The following ATP8A2 variants were observed in gnomAD, a reference collection of about 807,000 sequenced individuals.
ATP8A2 encodes the protein phospholipid-transporting ATPase IB.
ATP8A2 carries 100 observed loss-of-function variants against 165.6 expected under a neutral mutation model. That is an observed-to-expected ratio of 0.60 (90% CI 0.51 to 0.71). ATP8A2 has a LOEUF of 0.71. ATP8A2 is among the 30% of genes least tolerant of loss of function. The probability of loss-of-function intolerance (pLI) is 0.00; values close to 1 mark genes in which losing one functional copy is unlikely to be tolerated. For synonymous variants in ATP8A2, 543 were observed against 548.8 expected (o/e 0.99, Z 0.15); for missense variants, 1,227 against 1,479.5 (o/e 0.83, Z 2.80).
At chr13:25,540,995 GGGACTACA>G (rs1461274505) in intron 8 of ATP8A2, among the ~76,000 whole-genome samples, 1 of 151,624 alleles carries the variant, frequency 6.6e-6, no homozygotes, top group Non-Finnish European at 1.5e-5. Context: ...CCGAGTAGCT[GGGACTACA>G]GGTGCATGCT....
At chr13:26,005,630 G>A (rs1253995804) in intron 35 of ATP8A2, among the ~76,000 whole-genome samples, 2 of 151,880 alleles carry the variant, frequency 1.3e-5, no homozygotes, top group Non-Finnish European at 2.9e-5. Context: ...GATATGCTGT[G>A]TTTCCATTTT....
chr13:25,660,646 A>C (rs1425065112), intron 24 of ATP8A2, among the ~76,000 whole-genome samples: 1 of 151,958 alleles, frequency 6.6e-6, no homozygotes, highest in Non-Finnish European at 1.5e-5. Context: ...ATTGTGGAAA[A>C]CATAGAAGGA....
intron 33 of ATP8A2, among the ~76,000 whole-genome samples, chr13:25,960,225 C>A (rs974160648): frequency 8.5e-5 from 13 of 152,130 alleles, no homozygotes; most frequent in South Asian, 4.1e-4. Flanking sequence ...GCAGAGGGAG[C>A]GGCAGGGCTG....
At chr13:25,879,836 G>GA (rs928726445) in intron 33 of ATP8A2, among the ~76,000 whole-genome samples, 2 of 152,198 alleles carry the variant, frequency 1.3e-5, no homozygotes, top group African/African-American at 2.4e-5. Context: ...GAGTTAGGAG[G>GA]AAAATCCTAG....
intron 36 of ATP8A2, among the ~76,000 whole-genome samples, chr13:26,016,609 G>T (rs576358378): frequency 6.6e-6 from 1 of 152,130 alleles, no homozygotes; most frequent in Non-Finnish European, 1.5e-5. Flanking sequence ...TACCTTTCCC[G>T]AAAGGACACT....
At chr13:25,704,073 G>T (rs1199303805) in intron 25 of ATP8A2, among the ~76,000 whole-genome samples, 1 of 152,176 alleles carries the variant, frequency 6.6e-6, no homozygotes. Context: ...TATAAAAAAT[G>T]AATCCTTTGA....
At chr13:25,566,158 G>A (rs1016382792) in intron 16 of ATP8A2, among the ~76,000 whole-genome samples, 4 of 152,036 alleles carry the variant, frequency 2.6e-5, no homozygotes, top group Admixed American at 6.5e-5. Context: ...TATAAGGCTC[G>A]CACACCCACA....
intron 24 of ATP8A2, among the ~76,000 whole-genome samples, chr13:25,625,311 TTA>T (rs904704237): frequency 5.3e-4 from 81 of 152,266 alleles, no homozygotes; most frequent in African/African-American, 1.8e-3. Flanking sequence ...CATTAAGCAT[TTA>T]GAAAAGGGTG....
At chr13:25,543,161 G>T (rs560905318) in intron 9 of ATP8A2, 130 bp from the exon 10 acceptor site, 3 of 566,912 alleles carry the variant, frequency 5.3e-6, no homozygotes, top group African/African-American at 3.7e-5. Flanking sequence ...TGTTGTCTGT[G>T]TTTCTCAGTG....
At chr13:25,903,758 G>A (rs1033148937) in intron 33 of ATP8A2, among the ~76,000 whole-genome samples, 81 of 151,862 alleles carry the variant, frequency 5.3e-4, no homozygotes, top group African/African-American at 1.8e-3. Flanking sequence ...GACCGACATC[G>A]ACACCTTACC....
At chr13:25,811,738 A>G (rs1484646891) in intron 27 of ATP8A2, among the ~76,000 whole-genome samples, 2 of 152,144 alleles carry the variant, frequency 1.3e-5, no homozygotes, top group East Asian at 1.9e-4. Flanking sequence ...GCATGTTCCT[A>G]TAGTCTCAGC....
At chr13:25,960,436 C>T (rs969388086) in intron 33 of ATP8A2, among the ~76,000 whole-genome samples, 1 of 152,158 alleles carries the variant, frequency 6.6e-6, no homozygotes, top group Non-Finnish European at 1.5e-5. Context: ...GCCCTCTGCT[C>T]TCCCTCCCTC....
chr13:25,396,590 T>C (rs1186537424), intron 1 of ATP8A2, among the ~76,000 whole-genome samples: 1 of 152,130 alleles, frequency 6.6e-6, no homozygotes, highest in Admixed American at 6.5e-5. Flanking sequence ...ATGGCCTAAT[T>C]TGCCCTTGAC....
chr13:25,640,708 G>T (rs1378628807), intron 24 of ATP8A2, among the ~76,000 whole-genome samples: 1 of 152,036 alleles, frequency 6.6e-6, no homozygotes, highest in African/African-American at 2.4e-5. Context: ...CTTCTGAAAT[G>T]ATTCCAATCA....
At chr13:25,409,554 G>A (rs1593268463) in intron 1 of ATP8A2, among the ~76,000 whole-genome samples, 1 of 152,138 alleles carries the variant, frequency 6.6e-6, no homozygotes, top group African/African-American at 2.4e-5. Flanking sequence ...TTCAGACAGA[G>A]CAAAAACACT....
rs564701822 is a variant in ATP8A2, at chr13:25,517,384, A to C, written c.222-12615A>C. ...AGAAGATCTTCCTGGCAGCATGCTCAGTGGTCAAAATGTTATCTTCTTCTC... is the reference window on the plus strand; with the variant it reads ...AGAAGATCTTCCTGGCAGCATGCTCCGTGGTCAAAATGTTATCTTCTTCTC... On this transcript the variant is annotated intron_variant, in intron 2 of 36. Coordinates refer to ENST00000381655, the MANE Select transcript of ATP8A2 (RefSeq NM_016529.6). Among the ~76,000 whole-genome samples, 6 of 152,302 alleles carry C rather than the reference A, an allele frequency of 3.9e-5. No homozygotes were observed. In the South Asian group the frequency reaches 1.2e-3, roughly 32 times the overall value.
chr13:25,955,339 T>G (rs948465252), intron 33 of ATP8A2, among the ~76,000 whole-genome samples: 4 of 152,178 alleles, frequency 2.6e-5, no homozygotes, highest in African/African-American at 9.7e-5. Context: ...ATCCAGGAGC[T>G]GGTTTTTTGA....
intron 24 of ATP8A2, among the ~76,000 whole-genome samples, chr13:25,692,766 G>T (rs900112607): frequency 6.6e-6 from 1 of 152,206 alleles, no homozygotes; most frequent in African/African-American, 2.4e-5. Context: ...AACTGGGAAT[G>T]CAAAGGCCAT....
intron 2 of ATP8A2, among the ~76,000 whole-genome samples, chr13:25,520,084 C>A (rs78469239): frequency 2.9e-3 from 444 of 152,204 alleles, no homozygotes; most frequent in African/African-American, 0.01. Flanking sequence ...ACTATAGTCA[C>A]CCTGCTGATC....
Sources: gnomAD v4.1 joint callset for allele counts (sites outside exome capture counted in the v4.1 genomes callset) on GRCh38, gnomAD v4.1.1 for gene constraint, MANE v1.5 for transcripts, NCBI Gene and HGNC (gene_info 2026-07-23, HGNC 2026-07-21) for gene names.